ATP7A: variants seen among roughly 807,000 people sequenced by gnomAD.
ATP7A encodes ATPase copper transporting alpha.
Under a neutral mutation model 83.5 loss-of-function variants are expected in ATP7A, and 7 were observed. The observed-to-expected ratio is 0.08, with a 90% confidence interval of 0.05 to 0.16. ATP7A has a LOEUF of 0.16. Ranked by LOEUF, ATP7A falls within the 10% of genes least tolerant of loss-of-function variation. ATP7A has a pLI of 1.00. For synonymous variants in ATP7A, 354 were observed against 395.2 expected (o/e 0.90, Z 1.24); for missense variants, 940 against 1,120.8 (o/e 0.84, Z 2.30).
intron 1 of ATP7A, among the ~76,000 whole-genome samples, chrX:77,933,704 A>G (rs1238272020): frequency 8.9e-6 from 1 of 112,266 alleles, no homozygotes; most frequent in Non-Finnish European, 1.9e-5. Flanking sequence ...AAGTTTGTGT[A>G]CAATATACCA....
intron 2 of ATP7A, among the ~76,000 whole-genome samples, chrX:77,979,006 A>G (rs1367437121): frequency 9.1e-6 from 1 of 109,833 alleles, no homozygotes; most frequent in Non-Finnish European, 1.9e-5. Flanking sequence ...TAATTTTTGT[A>G]TTTTTAGTAG....
intron 1 of ATP7A, among the ~76,000 whole-genome samples, chrX:77,956,745 TTC>T (rs2077444533): frequency 1.0e-5 from 1 of 96,756 alleles, no homozygotes; most frequent in East Asian, 3.2e-4. Context: ...CTTTCTTTCT[TTC>T]TTTCTTTCTT....
intron 22 of ATP7A, among the ~76,000 whole-genome samples, chrX:78,045,778 T>C (rs1361006097): frequency 8.9e-6 from 1 of 111,840 alleles, no homozygotes; most frequent in African/African-American, 3.3e-5. Flanking sequence ...AGGTCAGTAA[T>C]TTGAGACCAG....
chrX:77,959,275 A>G (rs1156731643), intron 1 of ATP7A, among the ~76,000 whole-genome samples: 3 of 111,100 alleles, frequency 2.7e-5, no homozygotes, highest in Non-Finnish European at 5.7e-5. Flanking sequence ...TTTATTTTTT[A>G]GTTCTGTTTT....
intron 4 of ATP7A, among the ~76,000 whole-genome samples, chrX:77,991,585 T>C (rs185944696): frequency 1.8e-5 from 2 of 111,675 alleles, no homozygotes; most frequent in East Asian, 5.6e-4. Context: ...TGGGTATATA[T>C]CTAGGAGTGG....
At chrX:77,932,993 C>G (rs2077298276) in intron 1 of ATP7A, among the ~76,000 whole-genome samples, 1 of 111,422 alleles carries the variant, frequency 9.0e-6, no homozygotes, top group South Asian at 3.7e-4. Context: ...CAGCATTGAA[C>G]TCTTACTGTT....
intron 1 of ATP7A, chrX:77,966,854 A>G (rs2077509716): frequency 6.2e-6 from 2 of 325,046 alleles, no homozygotes; most frequent in South Asian, 2.6e-5. Context: ...CATGTGTGCT[A>G]TGGTGGTTTG....
At chrX:78,013,634 A>G (rs2077842205) in intron 10 of ATP7A, among the ~76,000 whole-genome samples, 1 of 112,070 alleles carries the variant, frequency 8.9e-6, no homozygotes, top group Non-Finnish European at 1.9e-5. Context: ...TAAACCATTC[A>G]GGTGTTTTTC....
At chrX:78,030,471 C>G (rs1019982387) in intron 15 of ATP7A, among the ~76,000 whole-genome samples, 1 of 110,333 alleles carries the variant, frequency 9.1e-6, no homozygotes, top group African/African-American at 3.3e-5. Flanking sequence ...TCCTATATGC[C>G]CTTTACTGCA....
At chrX:77,954,483 A>G (rs2077430397) in intron 1 of ATP7A, among the ~76,000 whole-genome samples, 2 of 112,221 alleles carry the variant, frequency 1.8e-5, no homozygotes, top group Non-Finnish European at 3.8e-5. Context: ...CTGGAATCTT[A>G]GTCCTCTGTT....
At chrX:78,003,877 G>A (rs782523559) in intron 6 of ATP7A, among the ~76,000 whole-genome samples, 1 of 111,230 alleles carries the variant, frequency 9.0e-6, no homozygotes, top group African/African-American at 3.3e-5. Flanking sequence ...AGGCGGCGGA[G>A]GTTGCAGTGA....
intron 1 of ATP7A, among the ~76,000 whole-genome samples, chrX:77,940,230 C>T (rs2077344250): frequency 9.0e-6 from 1 of 110,754 alleles, no homozygotes; most frequent in African/African-American, 3.3e-5. Context: ...TGTTTTTACT[C>T]CAATAAATAA....
At chrX:78,026,924 G>T (rs1297277341) in intron 14 of ATP7A, among the ~76,000 whole-genome samples, 5 of 111,309 alleles carry the variant, frequency 4.5e-5, no homozygotes. Context: ...CGAGGCGGGT[G>T]GATCCCCTGA....
intron 1 of ATP7A, among the ~76,000 whole-genome samples, chrX:77,912,843 A>T (rs1433932628): frequency 9.0e-6 from 1 of 111,584 alleles, no homozygotes; most frequent in Non-Finnish European, 1.9e-5. Flanking sequence ...ACTTGATAGG[A>T]ACTATTCTAT....
intron 1 of ATP7A, among the ~76,000 whole-genome samples, chrX:77,945,785 T>G (rs1979478451): frequency 1.8e-5 from 2 of 111,871 alleles, no homozygotes; most frequent in African/African-American, 3.2e-5. Flanking sequence ...ACAAGTTTTT[T>G]TCAAGAATAA....
intron 14 of ATP7A, among the ~76,000 whole-genome samples, chrX:78,022,517 A>AT (rs2149100958): frequency 9.3e-6 from 1 of 107,070 alleles, no homozygotes; most frequent in African/African-American, 3.4e-5. Flanking sequence ...TTATTTATTT[A>AT]TTTATTTATT....
At chrX:77,962,196 C>T (rs1469015063) in intron 1 of ATP7A, among the ~76,000 whole-genome samples, 2 of 111,587 alleles carry the variant, frequency 1.8e-5, no homozygotes, top group Non-Finnish European at 3.8e-5. Context: ...TTCTGCCGTC[C>T]CAGTGAGGCT....
In ATP7A at chrX:78,050,333, G is replaced by C. The variant is rs138788451; in HGVS notation, c.*3763G>C. On this transcript the variant is annotated 3_prime_UTR_variant, in exon 23 of 23. Transcript: ENST00000341514. ...TCAGTAGTTTGTTTTTCATAAGCAT[G>C]TAATTGATCATATTTCTGCCAAGGA... The C allele has an allele frequency of 8.9e-6, 1 of 112,653 alleles. No individual in the cohort carries two copies. The highest frequency in any genetic ancestry group is 3.2e-5 in the African/African-American group (1 of 31,157). 9.3% of individuals were successfully genotyped at this position (112,653 alleles called of 1,213,427 possible).
At chrX:78,044,642 A>AT (rs782056595) in intron 21 of ATP7A, among the ~76,000 whole-genome samples, 17 of 111,291 alleles carry the variant, frequency 1.5e-4, no homozygotes, top group African/African-American at 3.9e-4. Flanking sequence ...GTCAGCTGGT[A>AT]TTTTTTTTAG....
Sources: gnomAD v4.1 joint callset for allele counts (sites outside exome capture counted in the v4.1 genomes callset) on GRCh38, gnomAD v4.1.1 for gene constraint, MANE v1.5 for transcripts, NCBI Gene and HGNC (gene_info 2026-07-23, HGNC 2026-07-21) for gene names.